The following KIAA0319 variants were observed in gnomAD, a reference collection of about 807,000 sequenced individuals.
The protein encoded by KIAA0319 is dyslexia-associated protein KIAA0319.
In KIAA0319, 83 loss-of-function variants were observed where a neutral mutation model predicts 108.4. The ratio of observed to expected loss-of-function variants is 0.77; its 90% CI spans 0.64 to 0.92. The LOEUF is 0.92. Among genes scored for constraint, KIAA0319 ranks in the 40% least tolerant of loss-of-function variants. The pLI is 0.00. For missense variants in KIAA0319, 1,195 were observed against 1,322.4 expected (o/e 0.90, Z 1.49); for synonymous variants, 484 against 510.4 (o/e 0.95, Z 0.70).
At chr6:24,568,613 C>A (rs1265922307) in intron 13 of KIAA0319, among the ~76,000 whole-genome samples, 168 bp downstream of exon 13, 1 of 152,200 alleles carries the variant, frequency 6.6e-6, no homozygotes, top group Non-Finnish European at 1.5e-5. Flanking sequence ...TGAGAAACAG[C>A]TAACATGAAT....
At chr6:24,607,304 C>T (rs1490937910) in intron 1 of KIAA0319, among the ~76,000 whole-genome samples, 5 of 151,966 alleles carry the variant, frequency 3.3e-5, no homozygotes, top group Admixed American at 6.5e-5. Context: ...TGCAGTGAGC[C>T]GAGATCGTGC....
chr6:24,576,547 G>C lies in KIAA0319; in HGVS notation c.1555C>G (p.Leu519Val). 1.2e-6 allele frequency: 2 copies of C among 1,614,160 alleles called. No individual in the cohort carries two copies. The highest frequency in any genetic ancestry group is 1.7e-6 in the Non-Finnish European group (2 of 1,180,010). Reference protein sequence around the residue: ...DGATNSTTAALIVNNAVDYPP... With the variant: ...DGATNSTTAAVIVNNAVDYPP... ...TAGTCCACAGCATTGTTCACTATTA[G>C]GGCTGCAGTTGTAGAGTTAGTGGCT... is the stretch of plus-strand genomic sequence containing the variant. The change falls in exon 10 of 21, where the codon CTA (leucine) becomes GTA (valine). Residue 519 changes from leucine to valine, a missense_variant. Leu to Val is a conservative substitution (Grantham distance 32). Coordinates refer to ENST00000378214, the MANE Select transcript of KIAA0319 (RefSeq NM_014809.4).
intron 19 of KIAA0319, among the ~76,000 whole-genome samples, chr6:24,553,939 T>C (rs1761937064): frequency 6.6e-6 from 1 of 152,180 alleles, no homozygotes; most frequent in Non-Finnish European, 1.5e-5. Flanking sequence ...AAATAACCAA[T>C]GTGTTTCCTT....
At chr6:24,595,284 C>T (rs930491294) in intron 3 of KIAA0319, among the ~76,000 whole-genome samples, 1 of 152,030 alleles carries the variant, frequency 6.6e-6, no homozygotes, top group Non-Finnish European at 1.5e-5. Flanking sequence ...CGGTGGCTCA[C>T]GCCTGTAATC....
At chr6:24,623,830 A>G (rs777009189) in intron 1 of KIAA0319, among the ~76,000 whole-genome samples, 1 of 152,128 alleles carries the variant, frequency 6.6e-6, no homozygotes, top group Non-Finnish European at 1.5e-5. Flanking sequence ...GTGAGAGGTG[A>G]TGATATCCCA....
At chr6:24,550,204 G>A (rs1761268828) in intron 20 of KIAA0319, among the ~76,000 whole-genome samples, 1 of 152,146 alleles carries the variant, frequency 6.6e-6, no homozygotes, top group African/African-American at 2.4e-5. Flanking sequence ...TCCATGCACT[G>A]ATAGAACTCC....
At chr6:24,592,481 G>T (rs555460584) in intron 3 of KIAA0319, among the ~76,000 whole-genome samples, 33 of 152,046 alleles carry the variant, frequency 2.2e-4, no homozygotes, top group African/African-American at 8.0e-4. Context: ...GCCCAGGCTG[G>T]TCTCTCACCC....
chr6:24,566,613 T>A lies in KIAA0319; in HGVS notation c.2276A>T (p.Gln759Leu). ...AGTACTCACTCCAGCTGCTGGACTC[T>A]GGCCATCCCGGATCCACAGATAGGA... ...IVSYLWIRDG[Q>L]SPAAGDVIDG... Residue 759 changes from glutamine to leucine, a missense_variant, in exon 14 of 21, where the codon CAG (glutamine) becomes CTG (leucine). Physicochemically the swap from Gln to Leu is moderately radical, Grantham distance 113 (BLOSUM62 -2). Coordinates refer to ENST00000378214, the MANE Select transcript of KIAA0319 (RefSeq NM_014809.4). The A allele has an allele frequency of 6.2e-7, 1 of 1,611,374 alleles. No homozygotes were observed. Among genetic ancestry groups the A allele is most frequent in the Non-Finnish European group, 8.5e-7 (1 of 1,179,050 alleles).
intron 1 of KIAA0319, among the ~76,000 whole-genome samples, chr6:24,635,778 A>G (rs1027235782): frequency 5.9e-5 from 9 of 152,220 alleles, no homozygotes; most frequent in Non-Finnish European, 1.2e-4. Context: ...TCCAGAGGAG[A>G]CTGCTTTCAA....
At position 24,553,288 on chromosome 6, in the gene KIAA0319, T is replaced by C. The variant is rs1437774304; in HGVS notation, c.2948+1253A>G. Among the ~76,000 whole-genome samples the C allele has an allele frequency of 6.1e-5, 5 of 82,170 alleles. 1 individual carries two copies. The highest frequency in any genetic ancestry group is 4.4e-4 in the South Asian group (1 of 2,276). The allele number at this position is 82,170 out of a possible 152,430, so 53.9% of individuals were successfully genotyped here. On this transcript the variant is annotated intron_variant, in intron 19 of 20. Coordinates refer to ENST00000378214, the MANE Select transcript of KIAA0319 (RefSeq NM_014809.4). ...CTTGTGAGATAGATATATATATATA[T>C]ATATATACACACACACACACACACA...
intron 1 of KIAA0319, among the ~76,000 whole-genome samples, chr6:24,626,108 T>C (rs1158730626): frequency 6.6e-6 from 1 of 152,248 alleles, no homozygotes; most frequent in East Asian, 1.9e-4. Flanking sequence ...CCACATTTTG[T>C]ACCATTCTAT....
intron 1 of KIAA0319, among the ~76,000 whole-genome samples, chr6:24,640,692 G>T (rs1776802142): frequency 6.6e-6 from 1 of 151,930 alleles, no homozygotes; most frequent in South Asian, 2.1e-4. Flanking sequence ...TTGTTCTGTT[G>T]CCCAGGCTGG....
intron 5 of KIAA0319, chr6:24,583,345 C>T (rs1033835192): frequency 3.0e-6 from 2 of 669,552 alleles, no homozygotes; most frequent in Non-Finnish European, 4.2e-6. Context: ...ATCTGCTTTG[C>T]ATCATCAGAA....
At chr6:24,542,718 C>T (rs1463380720), downstream of KIAA0319, among the ~76,000 whole-genome samples, 1 of 152,188 alleles carries the variant, frequency 6.6e-6, no homozygotes, top group Non-Finnish European at 1.5e-5. Flanking sequence ...CTGTCTCAAA[C>T]AAACAAAAAA....
At chr6:24,615,459 T>C (rs192393579) in intron 1 of KIAA0319, among the ~76,000 whole-genome samples, 1 of 152,038 alleles carries the variant, frequency 6.6e-6, no homozygotes, top group Admixed American at 6.6e-5. Flanking sequence ...TACAGAAGAA[T>C]ATAAAACAAA....
intron 3 of KIAA0319, among the ~76,000 whole-genome samples, chr6:24,589,098 A>G (rs569054631): frequency 2.0e-5 from 3 of 152,036 alleles, no homozygotes; most frequent in Non-Finnish European, 4.4e-5. Context: ...TCTGCCCCAC[A>G]CCTCCTTCCA....
In KIAA0319 at chr6:24,588,619, A is replaced by G; in HGVS notation, c.968T>C (p.Ile323Thr). The G allele has an allele frequency of 6.2e-7, 1 of 1,613,924 alleles. No individual in the cohort carries two copies. The highest frequency in any genetic ancestry group is 2.2e-5 in the East Asian group (1 of 44,882). The change falls in exon 4 of 21, where the codon ATA (isoleucine) becomes ACA (threonine). Residue 323 changes from isoleucine to threonine, a missense_variant. Ile to Thr is a moderately conservative substitution (Grantham distance 89). Transcript: ENST00000378214. ...PSESTPSELPISPTTAPRTVK... is the reference protein window; with the variant it reads ...PSESTPSELPTSPTTAPRTVK... The stretch of plus-strand genomic sequence containing the variant: ...TGTCCTGGGAGCAGTGGTAGGAGAT[A>G]TGGGTAGCTCAGATGGGGTGGACTC...
intron 1 of KIAA0319, among the ~76,000 whole-genome samples, chr6:24,607,055 A>G (rs529346900): frequency 6.6e-6 from 1 of 152,204 alleles, no homozygotes; most frequent in Admixed American, 6.5e-5. Flanking sequence ...TCTCTTGAAC[A>G]TTTGTTTCTA....
At chr6:24,600,543 C>T in intron 2 of KIAA0319, 2 of 787,362 alleles carry the variant, frequency 2.5e-6, no homozygotes, top group Admixed American at 2.0e-5. Context: ...TTCATTATGG[C>T]TGTGTTACAT....
Sources: allele counts gnomAD v4.1 joint callset (sites outside exome capture counted in the v4.1 genomes callset), GRCh38; gene constraint gnomAD v4.1.1; transcripts MANE v1.5; gene names NCBI Gene and HGNC (gene_info 2026-07-23, HGNC 2026-07-21).